GBF1: variants seen among roughly 807,000 people sequenced by gnomAD.
The protein encoded by GBF1 is Golgi-specific brefeldin A-resistance guanine nucleotide exchange factor 1.
Under a neutral mutation model 210.5 loss-of-function variants are expected in GBF1, and 114 were observed. That is an observed-to-expected ratio of 0.54 (90% CI 0.47 to 0.63). The LOEUF is 0.63. Ranked by LOEUF, GBF1 falls within the 30% of genes least tolerant of loss-of-function variation. The pLI is 0.00. For missense variants in GBF1, 1,851 were observed against 2,357.7 expected (o/e 0.79, Z 4.45); for synonymous variants, 850 against 889.2 (o/e 0.96, Z 0.78).
chr10:102,334,822 CTG>C (rs1195748070), intron 3 of GBF1, among the ~76,000 whole-genome samples: 12 of 150,516 alleles, frequency 8.0e-5, no homozygotes, highest in African/African-American at 2.9e-4. Context: ...GCACTCCAGG[CTG>C]GGTGACAGAG....
chr10:102,365,189 A>G (rs1002442429), intron 17 of GBF1, among the ~76,000 whole-genome samples: 6 of 152,206 alleles, frequency 3.9e-5, no homozygotes, highest in Non-Finnish European at 8.8e-5. Context: ...GAAAGGAGTA[A>G]AAAAGAGCTC....
chr10:102,294,442 C>T (rs936755188), intron 3 of GBF1, among the ~76,000 whole-genome samples: 1 of 149,362 alleles, frequency 6.7e-6, no homozygotes. Context: ...AGTGCAGTGG[C>T]GCAATCTTGG....
At chr10:102,375,325 C>A (rs368596945) in intron 29 of GBF1, 34 bp from the exon 30 acceptor site, 19 of 1,272,440 alleles carry the variant, frequency 1.5e-5, no homozygotes, top group Non-Finnish European at 2.0e-5. Flanking sequence ...CACAGCTCCC[C>A]GCTTCCCCGC....
intron 3 of GBF1, among the ~76,000 whole-genome samples, chr10:102,337,896 A>G (rs778735253): frequency 6.6e-6 from 1 of 152,104 alleles, no homozygotes; most frequent in Non-Finnish European, 1.5e-5. Context: ...CTTACTAGTG[A>G]TGCCCCACTA....
chr10:102,278,983 A>G (rs1338774720), intron 3 of GBF1, among the ~76,000 whole-genome samples: 2 of 152,154 alleles, frequency 1.3e-5, no homozygotes, highest in Non-Finnish European at 2.9e-5. Context: ...CTCCTCTTTA[A>G]ACTTTCCCTC....
chr10:102,326,183 T>C (rs2056882972), intron 3 of GBF1, among the ~76,000 whole-genome samples: 1 of 152,246 alleles, frequency 6.6e-6, no homozygotes, highest in Non-Finnish European at 1.5e-5. Context: ...CAGGGCCTAG[T>C]ATGCAAGTTT....
chr10:102,319,113 C>G (rs2056136701), intron 3 of GBF1, among the ~76,000 whole-genome samples: 1 of 152,162 alleles, frequency 6.6e-6, no homozygotes, highest in Non-Finnish European at 1.5e-5. Flanking sequence ...GTCAGGAGAT[C>G]GTGACTATCC....
intron 3 of GBF1, among the ~76,000 whole-genome samples, chr10:102,269,270 G>T (rs533966880): frequency 2.1e-3 from 316 of 152,304 alleles, no homozygotes; most frequent in Non-Finnish European, 2.8e-3. Context: ...TCACATTATT[G>T]TCTTGCATTT....
Position 102,363,511 on chromosome 10 carries a change from G to A in GBF1, c.2017+115G>A, listed in dbSNP as rs375527069. On this transcript the variant is annotated intron_variant, in intron 16 of 39. Coordinates refer to ENST00000369983, the MANE Select transcript of GBF1 (RefSeq NM_001377137.1). The surrounding 1 kb of genome is among the most constrained non-coding windows in gnomAD (Gnocchi z 4.2). ...TAAGCAAGCCTTGGTAGCCCGCCTC[G>A]CCTTCAGACTCAGAGAGAGGGAAGC... 1.3e-5 allele frequency: 13 copies of A among 1,026,554 alleles called. No individual in the cohort carries two copies. The South Asian group carries it at 1.4e-4, about 11-fold the overall frequency. The allele number at this position is 1,026,554 out of a possible 1,614,324, so 63.6% of individuals were successfully genotyped here.
intron 3 of GBF1, among the ~76,000 whole-genome samples, chr10:102,327,606 T>C (rs891582391): frequency 6.6e-6 from 1 of 152,204 alleles, no homozygotes; most frequent in Admixed American, 6.5e-5. Context: ...TATTCTTATT[T>C]CTTTCTGGAT....
At chr10:102,231,718 C>A in the GBF1 span, 1 of 1,610,048 alleles carries the variant, frequency 6.2e-7, no homozygotes, top group South Asian at 1.1e-5. Context: ...CGTGCGCTGC[C>A]GCCGCTGCTT....
chr10:102,369,487 CCTGA>C, intron 24 of GBF1, 100 bp downstream of exon 24: 1 of 984,162 alleles, frequency 1.0e-6, no homozygotes. Context: ...TAATGTTGGG[CCTGA>C]TGCCTGCCAC....
At position 102,368,402 on chromosome 10, in the gene GBF1, T is replaced by C; in HGVS notation, c.2827T>C (p.Phe943Leu). Residue 943 changes from phenylalanine (F) to leucine (L), a missense_variant, in exon 22 of 40, where the codon TTT becomes CTT. Transcript: ENST00000369983. Reference sequence around the variant, plus strand: ...CACTATTGCTGCTCTCTCTTATGTCTTTGACAAAAGCCTTGAGGAGACAAT... The same window carrying C: ...CACTATTGCTGCTCTCTCTTATGTCCTTGACAAAAGCCTTGAGGAGACAAT... ...GPTIAALSYV[F>L]DKSLEETIIQ... 4 of 1,613,796 alleles carry C rather than the reference T, an allele frequency of 2.5e-6. No homozygotes were observed. Among genetic ancestry groups the C allele is most frequent in the Non-Finnish European group, 3.4e-6 (4 of 1,179,642 alleles).
intron 3 of GBF1, among the ~76,000 whole-genome samples, chr10:102,298,972 C>T (rs1299161268): frequency 6.6e-6 from 1 of 152,152 alleles, no homozygotes; most frequent in Non-Finnish European, 1.5e-5. Flanking sequence ...ACTACTATCC[C>T]CCTCTTCTAA....
the GBF1 span, among the ~76,000 whole-genome samples, chr10:102,236,643 C>A: frequency 6.6e-6 from 1 of 152,138 alleles, no homozygotes; most frequent in African/African-American, 2.4e-5. Context: ...GTGGGGAGGC[C>A]ATGGTTTCCA....
intron 3 of GBF1, among the ~76,000 whole-genome samples, chr10:102,280,157 A>G (rs2075357846): frequency 6.6e-6 from 1 of 152,058 alleles, no homozygotes; most frequent in African/African-American, 2.4e-5. Context: ...AGAGAGAAAT[A>G]AGTAGAGACA....
intron 3 of GBF1, among the ~76,000 whole-genome samples, chr10:102,265,400 T>C (rs1056353535): frequency 6.6e-6 from 1 of 152,130 alleles, no homozygotes; most frequent in Non-Finnish European, 1.5e-5. Flanking sequence ...ACAACCAGGC[T>C]AGGTGCAGTG....
rs980661668 is a variant in GBF1, at chr10:102,318,573, T to G, written c.164-25478T>G. Among the ~76,000 whole-genome samples the G allele has an allele frequency of 2.0e-5, 3 of 152,196 alleles. No individual in the cohort carries two copies. The South Asian group carries it at 6.2e-4, about 31-fold the overall frequency. Reference sequence around the variant, plus strand: ...GTACACGATTTTTTGCTTATCACTCTTAAGGATCCTTATAATAAATTCCTT... The same window carrying G: ...GTACACGATTTTTTGCTTATCACTCGTAAGGATCCTTATAATAAATTCCTT... On this transcript the variant is annotated intron_variant, in intron 3 of 39. Coordinates refer to ENST00000369983, the MANE Select transcript of GBF1 (RefSeq NM_001377137.1).
At chr10:102,368,697 C>T in intron 22 of GBF1, 42 bp from the exon 23 acceptor site, 1 of 1,419,958 alleles carries the variant, frequency 7.0e-7, no homozygotes, top group African/African-American at 1.4e-5. Flanking sequence ...GCTGCTTGGC[C>T]TTCCAGTGAC....
Sources: allele counts gnomAD v4.1 joint callset (sites outside exome capture counted in the v4.1 genomes callset), GRCh38; gene constraint gnomAD v4.1.1; non-coding constraint Gnocchi (gnomAD v3.1); transcripts MANE v1.5; gene names NCBI Gene and HGNC (gene_info 2026-07-23, HGNC 2026-07-21).